Variants in KMT2E observed in about 807,000 individuals in gnomAD.
KMT2E encodes lysine methyltransferase 2E (inactive).
KMT2E carries 30 observed loss-of-function variants against 184.6 expected under a neutral mutation model. The ratio of observed to expected loss-of-function variants is 0.16; its 90% CI spans 0.12 to 0.22. KMT2E has a LOEUF of 0.22. Ranked by LOEUF, KMT2E falls within the 10% of genes least tolerant of loss-of-function variation. KMT2E has a pLI of 1.00. For missense variants in KMT2E, 2,023 were observed against 2,237.4 expected (o/e 0.90, Z 1.93); for synonymous variants, 815 against 776.5 (o/e 1.05, Z -0.82).
chr7:105,030,263 A>G (rs1283579350), intron 1 of KMT2E, among the ~76,000 whole-genome samples: 1 of 152,228 alleles, frequency 6.6e-6, no homozygotes, highest in Non-Finnish European at 1.5e-5. Flanking sequence ...AACAGCCCTT[A>G]GGAGGTTGAT....
chr7:105,066,376 G>A (rs1797027598), intron 5 of KMT2E, among the ~76,000 whole-genome samples: 1 of 151,974 alleles, frequency 6.6e-6, no homozygotes, highest in South Asian at 2.1e-4. Flanking sequence ...TTTCCCAAAC[G>A]AGGTTCGAGT....
chr7:105,085,917 C>T (rs1296922109), intron 13 of KMT2E, among the ~76,000 whole-genome samples: 1 of 152,178 alleles, frequency 6.6e-6, no homozygotes, highest in Non-Finnish European at 1.5e-5. Context: ...CATGGTCCGC[C>T]CGCCTCGGCC....
chr7:105,083,047 C>CT (rs1271982379), intron 13 of KMT2E, among the ~76,000 whole-genome samples: 3 of 152,110 alleles, frequency 2.0e-5, no homozygotes, highest in South Asian at 4.1e-4. Context: ...TCATCCCCAC[C>CT]TTTTTTTGTT....
At chr7:105,107,045 C>A in intron 20 of KMT2E, 121 bp from the exon 21 acceptor site, 1 of 664,736 alleles carries the variant, frequency 1.5e-6, no homozygotes, top group Non-Finnish European at 2.5e-6. Flanking sequence ...TGGAAATAAA[C>A]AGGAAACAAG....
chr7:105,092,517 A>G (rs1798247147), intron 15 of KMT2E, among the ~76,000 whole-genome samples: 1 of 152,252 alleles, frequency 6.6e-6, no homozygotes, highest in Admixed American at 6.5e-5. Flanking sequence ...AACTATAAAG[A>G]ACTGTTTCAG....
In KMT2E at chr7:105,034,308, C is replaced by G. The variant is rs758603850; in HGVS notation, c.-188-3818C>G. Among the ~76,000 whole-genome samples, 21 of 152,280 alleles carry G rather than the reference C, an allele frequency of 1.4e-4. No homozygotes were observed. In the Middle Eastern group the frequency reaches 0.01, roughly 74 times the overall value. On this transcript the variant is annotated intron_variant, in intron 1 of 26. Coordinates refer to ENST00000311117, the MANE Select transcript of KMT2E (RefSeq NM_182931.3). ...TGGAGAGTAGTATGATCACAGCTTGCTGTAATCTCAAACTCCTAGGCTCAG... is the reference window on the plus strand; with the variant it reads ...TGGAGAGTAGTATGATCACAGCTTGGTGTAATCTCAAACTCCTAGGCTCAG...
intron 3 of KMT2E, among the ~76,000 whole-genome samples, chr7:105,043,604 T>A (rs1421198877): frequency 6.6e-6 from 1 of 152,172 alleles, no homozygotes; most frequent in Non-Finnish European, 1.5e-5. Flanking sequence ...GGTTTTTTAA[T>A]GAATAAGGAC....
In KMT2E at chr7:105,111,857, A is replaced by G. The variant is rs1181417907; in HGVS notation, c.4101A>G (p.Gln1367=). 2 of 1,613,652 alleles carry G rather than the reference A, an allele frequency of 1.2e-6. No individual in the cohort carries two copies. Among genetic ancestry groups the G allele is most frequent in the African/African-American group, 1.3e-5 (1 of 74,862 alleles). The change falls in exon 27 of 27, where the codon CAA becomes CAG. Residue 1367 remains glutamine (Q), a synonymous_variant. Transcript: ENST00000311117. ...PGSPGSVIPA[Q]AHGKIFTKPD... The stretch of plus-strand genomic sequence containing the variant: ...CACCTGGATCTGTAATTCCTGCTCA[A>G]GCACACGGGAAAATATTCACAAAAC...
At chr7:105,056,152 T>C (rs553815278) in intron 3 of KMT2E, among the ~76,000 whole-genome samples, 5 of 152,292 alleles carry the variant, frequency 3.3e-5, no homozygotes, top group African/African-American at 1.2e-4. Flanking sequence ...CTCTGAGCTT[T>C]TTGATGTTTT....
chr7:105,056,259 A>G (rs1453312381), intron 3 of KMT2E, among the ~76,000 whole-genome samples: 2 of 152,206 alleles, frequency 1.3e-5, no homozygotes, highest in African/African-American at 4.8e-5. Flanking sequence ...TTGCCATGAG[A>G]TTTCAGTGCA....
At chr7:105,032,877 C>G (rs1795484771) in intron 1 of KMT2E, among the ~76,000 whole-genome samples, 2 of 152,224 alleles carry the variant, frequency 1.3e-5, no homozygotes, top group Admixed American at 6.5e-5. Flanking sequence ...AAAAAATATT[C>G]TACTCAATAT....
At chr7:105,059,348 C>CTG (rs1225676137) in intron 3 of KMT2E, among the ~76,000 whole-genome samples, 2 of 152,338 alleles carry the variant, frequency 1.3e-5, no homozygotes, top group South Asian at 4.1e-4. Context: ...AATAATAGTA[C>CTG]TGTAAATCGT....
At chr7:105,042,776 A>T (rs190914012) in intron 3 of KMT2E, among the ~76,000 whole-genome samples, 15 of 152,358 alleles carry the variant, frequency 9.8e-5, no homozygotes, top group African/African-American at 3.6e-4. Flanking sequence ...TAAAAATAAT[A>T]GATTGTAAGA....
chr7:105,068,639 G>GTTTT (rs1162488673), intron 6 of KMT2E, among the ~76,000 whole-genome samples: 1 of 111,522 alleles, frequency 9.0e-6, no homozygotes, highest in African/African-American at 4.0e-5. Flanking sequence ...TTTTTTTTTT[G>GTTTT]TTTTTTTTTT....
intron 3 of KMT2E, among the ~76,000 whole-genome samples, chr7:105,061,751 A>G (rs763749298): frequency 4.6e-5 from 7 of 152,144 alleles, no homozygotes; most frequent in African/African-American, 7.2e-5. Flanking sequence ...ACACATGCAT[A>G]TATTTTTGAA....
intron 6 of KMT2E, among the ~76,000 whole-genome samples, chr7:105,073,080 T>C (rs1797389449): frequency 6.6e-6 from 1 of 151,636 alleles, no homozygotes; most frequent in Non-Finnish European, 1.5e-5. Context: ...TTGCTTTAAA[T>C]ATTCTGTTTG....
chr7:105,062,140 T>C, intron 3 of KMT2E, 24 bp from the exon 4 acceptor site: 1 of 1,442,846 alleles, frequency 6.9e-7, no homozygotes, highest in Non-Finnish European at 9.7e-7. Context: ...TGGAATTCTC[T>C]TTGATGCAAC....
At chr7:105,079,824 T>A (rs993087892) in intron 12 of KMT2E, among the ~76,000 whole-genome samples, 6 of 122,340 alleles carry the variant, frequency 4.9e-5, no homozygotes, top group African/African-American at 1.4e-4. Flanking sequence ...CCGGACTTTT[T>A]AAATCATTAT....
chr7:105,046,218 A>T (rs970527264), intron 3 of KMT2E, among the ~76,000 whole-genome samples: 2 of 152,166 alleles, frequency 1.3e-5, no homozygotes, highest in African/African-American at 4.8e-5. Context: ...TCTTATTCAT[A>T]TATTCTATTT....
Sources: gnomAD v4.1 joint callset for allele counts (sites outside exome capture counted in the v4.1 genomes callset) on GRCh38, gnomAD v4.1.1 for gene constraint, MANE v1.5 for transcripts, NCBI Gene and HGNC (gene_info 2026-07-23, HGNC 2026-07-21) for gene names.